Variants in ATG4C observed in about 807,000 individuals in gnomAD.
ATG4C encodes the protein cysteine protease ATG4C.
A neutral mutation model predicts 57.6 loss-of-function variants in ATG4C; 56 were observed. That is an observed-to-expected ratio of 0.97 (90% CI 0.78 to 1.21). The LOEUF (loss-of-function observed/expected upper bound fraction) is 1.21, where lower values mean the gene tolerates loss of function less well. ATG4C is among the 50% of genes most tolerant of loss of function. The pLI, the probability that ATG4C is intolerant of heterozygous loss-of-function variation, is 0.00. For missense variants in ATG4C, 595 were observed against 529.8 expected, an observed-to-expected ratio of 1.12 and a Z score of -1.21; for synonymous variants, 157 against 174.1, an observed-to-expected ratio of 0.90 and a Z score of 0.78.
At chr1:62,825,021 AG>A (rs1162305274) in intron 6 of ATG4C, among the ~76,000 whole-genome samples, 4 of 152,020 alleles carry the variant, frequency 2.6e-5, no homozygotes, top group African/African-American at 2.4e-5. Context: ...GGGGATCAGA[AG>A]GTCAGGAGTT....
At position 62,842,482 on chromosome 1, in the gene ATG4C, G is replaced by A. The variant is rs934663419; in HGVS notation, c.1209+935G>A. On this transcript the variant is annotated intron_variant, in intron 10 of 10. Transcript: ENST00000317868. ...ATGCCTGGCTAATTTTGTAATTTTA[G>A]TAGAGACGGGGTTTCTCCATGTTGG... Among the ~76,000 whole-genome samples the A allele has an allele frequency of 2.0e-5, 3 of 152,008 alleles. No individual in the cohort carries two copies. The South Asian group carries it at 6.2e-4, about 32-fold the overall frequency.
chr1:62,845,626 C>A (rs185407704), intron 10 of ATG4C, among the ~76,000 whole-genome samples: 100 of 152,252 alleles, frequency 6.6e-4, no homozygotes, highest in Admixed American at 2.6e-3. Flanking sequence ...AAGCAAAAGT[C>A]ATAAACATAT....
chr1:62,850,990 AT>A (rs1666506956), intron 10 of ATG4C, among the ~76,000 whole-genome samples: 1 of 146,672 alleles, frequency 6.8e-6, no homozygotes, highest in African/African-American at 2.5e-5. Flanking sequence ...GATTTTGTTG[AT>A]TTTGTTTCTT....
intron 9 of ATG4C, among the ~76,000 whole-genome samples, chr1:62,835,702 A>G (rs1455880630): frequency 6.6e-6 from 1 of 152,094 alleles, no homozygotes; most frequent in Admixed American, 6.6e-5. Flanking sequence ...AAGATATATT[A>G]TAAAACATTT....
chr1:62,814,584 A>G (rs972355242), intron 3 of ATG4C, among the ~76,000 whole-genome samples: 3 of 152,194 alleles, frequency 2.0e-5, no homozygotes, highest in African/African-American at 7.2e-5. Flanking sequence ...TCCTGAACTT[A>G]AAGTATAATA....
At chr1:62,859,748 T>C (rs1249839272) in intron 10 of ATG4C, among the ~76,000 whole-genome samples, 1 of 152,044 alleles carries the variant, frequency 6.6e-6, no homozygotes, top group African/African-American at 2.4e-5. Context: ...CAGGCTGGAG[T>C]GCAGTGGTGC....
intron 5 of ATG4C, 139 bp from the exon 6 acceptor site, chr1:62,821,000 A>T: frequency 5.5e-6 from 3 of 547,756 alleles, no homozygotes; most frequent in Non-Finnish European, 6.5e-6. Context: ...CCATTCAGAT[A>T]ATAGTTTTTG....
intron 6 of ATG4C, among the ~76,000 whole-genome samples, chr1:62,822,380 G>C (rs1049873396): frequency 6.6e-6 from 1 of 152,082 alleles, no homozygotes; most frequent in African/African-American, 2.4e-5. Flanking sequence ...CAGGTACTAT[G>C]TTTTTCAAGT....
At chr1:62,814,824 G>T (rs1665210721) in intron 3 of ATG4C, among the ~76,000 whole-genome samples, 1 of 152,122 alleles carries the variant, frequency 6.6e-6, no homozygotes, top group Non-Finnish European at 1.5e-5. Context: ...CAACACTTTG[G>T]GAGTCCAAGG....
intron 3 of ATG4C, among the ~76,000 whole-genome samples, chr1:62,813,494 C>T (rs1056789157): frequency 6.6e-6 from 1 of 152,124 alleles, no homozygotes; most frequent in Non-Finnish European, 1.5e-5. Flanking sequence ...ACCATGAAAA[C>T]CCTAGAAGAA....
chr1:62,800,584 C>T (rs530382761), intron 1 of ATG4C, among the ~76,000 whole-genome samples: 14 of 152,114 alleles, frequency 9.2e-5, no homozygotes, highest in Non-Finnish European at 1.8e-4. Flanking sequence ...AAACTCTTTT[C>T]CTTTTCTTGC....
chr1:62,804,243 C>T (rs1204176263), intron 2 of ATG4C, among the ~76,000 whole-genome samples: 1 of 151,410 alleles, frequency 6.6e-6, no homozygotes, highest in Admixed American at 6.6e-5. Context: ...CGCACTACCA[C>T]ACCTGGCTAA....
chr1:62,863,964 A>G (rs771370203), intron 10 of ATG4C, 28 bp from the exon 11 acceptor site: 1 of 1,495,322 alleles, frequency 6.7e-7, no homozygotes, highest in Admixed American at 2.3e-5. Context: ...GCATCCAATA[A>G]GGAATTCTTC....
chr1:62,801,795 A>AGT (rs1664675406), intron 1 of ATG4C, among the ~76,000 whole-genome samples: 1 of 151,792 alleles, frequency 6.6e-6, no homozygotes, highest in Non-Finnish European at 1.5e-5. Context: ...CGTCTCTACT[A>AGT]AAAGTACAAA....
rs1183257324 is a variant in ATG4C, at chr1:62,803,720, C to T, written c.-67C>T. The T allele has an allele frequency of 1.8e-6, 2 of 1,087,804 alleles. No individual in the cohort carries two copies. Among genetic ancestry groups the T allele is most frequent in the Non-Finnish European group, 2.7e-6 (2 of 750,504 alleles). The allele number at this position is 1,087,804 out of a possible 1,614,324, so 67.4% of individuals were successfully genotyped here. On this transcript the variant is annotated splice_region_variant and 5_prime_UTR_variant, in exon 2 of 11. Coordinates refer to ENST00000317868, the MANE Select transcript of ATG4C (RefSeq NM_032852.4). ...GATTTTTTTCCTTAATTTTTAAAGT[C>T]AGTATAAAAGATTAAACTCTACAGA...
intron 9 of ATG4C, among the ~76,000 whole-genome samples, chr1:62,835,960 T>C (rs912602487): frequency 2.6e-5 from 4 of 152,206 alleles, no homozygotes; most frequent in Admixed American, 6.6e-5. Flanking sequence ...CAGTGCCAAA[T>C]TGACTCCTTA....
At chr1:62,819,385 A>C in intron 5 of ATG4C, 50 bp downstream of exon 5, 1 of 1,440,250 alleles carries the variant, frequency 6.9e-7, no homozygotes, top group Non-Finnish European at 9.3e-7. Context: ...CCTCAGGATT[A>C]AGAGATACTG....
rs185072784 is a variant in ATG4C, at chr1:62,821,233, T to C, written c.796+24T>C. The C allele has an allele frequency of 1.2e-4, 176 of 1,479,860 alleles. 3 individuals carry two copies. The African/African-American group carries it at 2.1e-3, about 18-fold the overall frequency. The allele number at this position is 1,479,860 out of a possible 1,614,324, so 91.7% of individuals were successfully genotyped here. ...AGGTAAGGAATGTATATAATTCTAA[T>C]CTTTGTTTTATTTGGTCATACTTTT... On this transcript the variant is annotated intron_variant, in intron 6 of 10. Transcript: ENST00000317868.
At chr1:62,817,871 A>G (rs775859742) in intron 4 of ATG4C, among the ~76,000 whole-genome samples, 85 of 152,202 alleles carry the variant, frequency 5.6e-4, no homozygotes, top group Non-Finnish European at 1.1e-3. Flanking sequence ...TATCCCTACA[A>G]TGCATGGCAT....
Sources: allele counts gnomAD v4.1 joint callset (sites outside exome capture counted in the v4.1 genomes callset), GRCh38; gene constraint gnomAD v4.1.1; transcripts MANE v1.5; gene names NCBI Gene and HGNC (gene_info 2026-07-23, HGNC 2026-07-21).